Variants in TRDN observed in about 807,000 individuals in gnomAD.
The protein encoded by TRDN is triadin in skeletal muscle.
Under a neutral mutation model 149.7 loss-of-function variants are expected in TRDN, and 161 were observed. The ratio of observed to expected loss-of-function variants is 1.08; its 90% confidence interval spans 0.95 to 1.23. TRDN has a LOEUF of 1.23. Ranked by LOEUF, TRDN falls within the 50% of genes most tolerant of loss-of-function variation. The probability of loss-of-function intolerance (pLI) is 0.00; values close to 1 mark genes in which losing one functional copy is unlikely to be tolerated. For missense variants in TRDN, 896 were observed against 823.5 expected, an observed-to-expected ratio of 1.09 and a Z score of -1.08; for synonymous variants, 294 against 250.5, an observed-to-expected ratio of 1.17 and a Z score of -1.64.
intron 38 of TRDN, among the ~76,000 whole-genome samples, chr6:123,237,143 A>G (rs1172407187): frequency 6.7e-6 from 1 of 149,684 alleles, no homozygotes; most frequent in Non-Finnish European, 1.5e-5. Flanking sequence ...TAATTTATAC[A>G]TAAGTATTTC....
intron 24 of TRDN, among the ~76,000 whole-genome samples, chr6:123,314,841 G>A (rs1200148367): frequency 6.6e-6 from 1 of 151,878 alleles, no homozygotes; most frequent in Admixed American, 6.6e-5. Context: ...GGGGCCAATT[G>A]GAGGGTGGAG....
chr6:123,323,786 A>G (rs1344416671), intron 23 of TRDN, among the ~76,000 whole-genome samples: 2 of 152,190 alleles, frequency 1.3e-5, no homozygotes, highest in Admixed American at 6.5e-5. Flanking sequence ...TGTATATGCT[A>G]AATGCAATGT....
intron 1 of TRDN, among the ~76,000 whole-genome samples, chr6:123,605,842 TTTAA>T (rs1180509881): frequency 2.6e-5 from 4 of 152,116 alleles, no homozygotes; most frequent in Non-Finnish European, 4.4e-5. Context: ...ATAACCATAG[TTTAA>T]TTAACTTTTA....
intron 4 of TRDN, among the ~76,000 whole-genome samples, chr6:123,537,152 T>C (rs1392225232): frequency 6.6e-6 from 1 of 152,138 alleles, no homozygotes; most frequent in Non-Finnish European, 1.5e-5. Flanking sequence ...AGAAAAAAAT[T>C]GAGAGCAAGA....
chr6:123,399,293 C>A (rs1772862398), intron 12 of TRDN, among the ~76,000 whole-genome samples: 1 of 152,084 alleles, frequency 6.6e-6, no homozygotes, highest in Admixed American at 6.6e-5. Flanking sequence ...GCATTTCCCC[C>A]TCATGGCATT....
chr6:123,479,086 T>C (rs1412866941), intron 9 of TRDN, among the ~76,000 whole-genome samples: 1 of 152,186 alleles, frequency 6.6e-6, no homozygotes, highest in Non-Finnish European at 1.5e-5. Flanking sequence ...TAATTCTAAA[T>C]GTCACTCTGT....
intron 12 of TRDN, among the ~76,000 whole-genome samples, chr6:123,414,986 C>A (rs955603837): frequency 2.6e-5 from 4 of 152,076 alleles, no homozygotes; most frequent in African/African-American, 9.7e-5. Flanking sequence ...GGAGTCCTTT[C>A]TAATTCATTC....
intron 1 of TRDN, among the ~76,000 whole-genome samples, chr6:123,581,867 C>T (rs1783137494): frequency 6.6e-6 from 1 of 152,096 alleles, no homozygotes. Context: ...GTTATTAAAC[C>T]TTTTAAATTT....
chr6:123,364,228 C>T (rs1781004664), intron 20 of TRDN, among the ~76,000 whole-genome samples: 1 of 152,158 alleles, frequency 6.6e-6, no homozygotes, highest in African/African-American at 2.4e-5. Flanking sequence ...TATCCAGGCT[C>T]CCATTGATGC....
chr6:123,534,772 G>A (rs1220604888), intron 4 of TRDN, among the ~76,000 whole-genome samples: 1 of 152,116 alleles, frequency 6.6e-6, no homozygotes, highest in Non-Finnish European at 1.5e-5. Context: ...TGCAAAGATA[G>A]GTGAATGTCT....
chr6:123,349,785 C>T (rs1780387351), intron 21 of TRDN: 1 of 984,150 alleles, frequency 1.0e-6, no homozygotes. Flanking sequence ...CAGTACACAT[C>T]ACAGATTTTA....
intron 31 of TRDN, among the ~76,000 whole-genome samples, 197 bp from the exon 32 acceptor site, chr6:123,267,948 A>G (rs531432740): frequency 6.6e-6 from 1 of 152,232 alleles, no homozygotes; most frequent in Admixed American, 6.6e-5. Flanking sequence ...GACACCCAGG[A>G]AAAGGCTTTT....
rs748395950 is a variant in TRDN at position 123,571,021 on chromosome 6, C to A, written c.134G>T (p.Ser45Ile). ...TVTEDIVTTF[S>I]SPAAWLLVIA... ...GACCAGAAGCCAGGCTGCAGGGGAGCTGAACGTCGTCACTATGTCTTCTGT... is the reference window on the plus strand; with the variant it reads ...GACCAGAAGCCAGGCTGCAGGGGAGATGAACGTCGTCACTATGTCTTCTGT... Residue 45 changes from serine (S) to isoleucine (I), a missense_variant, in exon 2 of 41, where the codon AGC (serine) becomes ATC (isoleucine). Ser to Ile is a moderately radical substitution (Grantham distance 142). Transcript: ENST00000334268. The A allele has an allele frequency of 7.4e-6, 12 of 1,613,874 alleles. No individual in the cohort carries two copies. In the East Asian group the frequency reaches 2.5e-4, roughly 33 times the overall value.
At position 123,576,406 on chromosome 6, in the gene TRDN, G is replaced by A. The variant is rs531685744; in HGVS notation, c.23-5274C>T. 3.0e-4 allele frequency among the ~76,000 whole-genome samples: 45 copies of A among 151,976 alleles called. 1 individual carries two copies. The highest frequency in any genetic ancestry group is 4.6e-4 in the Non-Finnish European group (31 of 67,974). ...ATGATTATCATAATGCAATTTCAGAGGGTGTTTTTGCCACTTAGTCTGTCT... is the reference window on the plus strand; with the variant it reads ...ATGATTATCATAATGCAATTTCAGAAGGTGTTTTTGCCACTTAGTCTGTCT... On this transcript the variant is annotated intron_variant, in intron 1 of 40. Coordinates refer to ENST00000334268, the MANE Select transcript of TRDN (RefSeq NM_006073.4).
intron 23 of TRDN, among the ~76,000 whole-genome samples, chr6:123,326,861 G>A (rs1296719757): frequency 6.6e-6 from 1 of 151,934 alleles, no homozygotes; most frequent in Non-Finnish European, 1.5e-5. Context: ...AATAAAATCT[G>A]CAGATTTTTA....
intron 1 of TRDN, among the ~76,000 whole-genome samples, chr6:123,612,243 A>G (rs1250835910): frequency 6.7e-5 from 4 of 59,808 alleles, no homozygotes; most frequent in African/African-American, 2.4e-4. Flanking sequence ...AAAAATACAG[A>G]AAAAAAAAAG....
chr6:123,503,420 C>T lies in TRDN; in HGVS notation c.793+299G>A, dbSNP rs2114831672. 4.1e-6 allele frequency: 4 copies of T among 985,226 alleles called. No homozygotes were observed. The South Asian group carries it at 1.4e-4, about 35-fold the overall frequency. 61.0% of individuals were successfully genotyped at this position (985,226 alleles called of 1,614,324 possible). On this transcript the variant is annotated intron_variant, in intron 8 of 40. Coordinates refer to ENST00000334268, the MANE Select transcript of TRDN (RefSeq NM_006073.4). Reference sequence around the variant, plus strand: ...TTATTCCACCTCTTAATAGACATTCCATATCTCAAAAATTCAACATTTATC... The same window carrying T: ...TTATTCCACCTCTTAATAGACATTCTATATCTCAAAAATTCAACATTTATC...
chr6:123,349,586 G>T (rs1399379149), intron 21 of TRDN: 7 of 886,806 alleles, frequency 7.9e-6, no homozygotes, highest in Non-Finnish European at 9.5e-6. Flanking sequence ...AAATACAATT[G>T]TGTTAACTAA....
At chr6:123,497,427 C>T (rs527240918) in intron 8 of TRDN, among the ~76,000 whole-genome samples, 175 bp from the exon 9 acceptor site, 6 of 151,992 alleles carry the variant, frequency 3.9e-5, no homozygotes, top group South Asian at 2.1e-4. Flanking sequence ...GAAAGAAAGA[C>T]GACAAATATA....
Sources: gnomAD v4.1 joint callset for allele counts (sites outside exome capture counted in the v4.1 genomes callset) on GRCh38, gnomAD v4.1.1 for gene constraint, MANE v1.5 for transcripts, NCBI Gene and HGNC (gene_info 2026-07-23, HGNC 2026-07-21) for gene names.